LYPD6: variants seen among roughly 807,000 people sequenced by gnomAD.
The protein encoded by LYPD6 is ly6/PLAUR domain-containing protein 6.
LYPD6 carries 15 observed loss-of-function variants against 22.7 expected under a neutral mutation model. That is an observed-to-expected ratio of 0.66 (90% CI 0.44 to 1.02). LYPD6 has a LOEUF of 1.02. LYPD6 is among the 50% of genes least tolerant of loss of function. The pLI is 0.00. For synonymous variants in LYPD6, 72 were observed against 77.5 expected (o/e 0.93, Z 0.37); for missense variants, 189 against 208.4 (o/e 0.91, Z 0.57).
intron 3 of LYPD6, among the ~76,000 whole-genome samples, chr2:149,453,348 A>G (rs1325896784): frequency 1.3e-5 from 2 of 152,224 alleles, no homozygotes; most frequent in African/African-American, 4.8e-5. Flanking sequence ...TTAAAAGTCT[A>G]TGGAATTAAA....
At chr2:149,330,547 C>G (rs1251424861), upstream of LYPD6, 1 of 150,170 alleles carries the variant, frequency 6.7e-6, no homozygotes, top group African/African-American at 2.4e-5. Flanking sequence ...GAGTGGCGCG[C>G]GCGCCCCTAG....
intron 3 of LYPD6, among the ~76,000 whole-genome samples, chr2:149,459,158 G>A (rs1681032311): frequency 6.6e-6 from 1 of 152,118 alleles, no homozygotes; most frequent in African/African-American, 2.4e-5. Flanking sequence ...GAAATAGCAA[G>A]AGAAAAAGAA....
intron 1 of LYPD6, among the ~76,000 whole-genome samples, chr2:149,392,789 G>T (rs11694286): frequency 0.18 from 27,015 of 152,078 alleles, 2,433 homozygotes; most frequent in East Asian, 0.2. Context: ...ACTTTGGGAG[G>T]CTGAGGCGGC....
At chr2:149,463,901 A>G (rs1219200668) in intron 3 of LYPD6, among the ~76,000 whole-genome samples, 7 of 152,056 alleles carry the variant, frequency 4.6e-5, no homozygotes, top group Non-Finnish European at 1.0e-4. Context: ...GGATGTGACT[A>G]TAAAAGGTCA....
At chr2:149,465,500 A>C (rs1448096826) in intron 3 of LYPD6, among the ~76,000 whole-genome samples, 1 of 152,078 alleles carries the variant, frequency 6.6e-6, no homozygotes, top group African/African-American at 2.4e-5. Flanking sequence ...ATTATTCTCT[A>C]GCATCATTTT....
At chr2:149,352,402 G>A (rs778794675) in intron 1 of LYPD6, among the ~76,000 whole-genome samples, 5 of 152,186 alleles carry the variant, frequency 3.3e-5, no homozygotes, top group Non-Finnish European at 4.4e-5. Context: ...AGGACAGCAT[G>A]TTCAGGATAT....
rs1682734542 is a variant in LYPD6, at chr2:149,407,199, C to T, written c.-71-30439C>T. Among the ~76,000 whole-genome samples, 7 of 152,302 alleles carry T rather than the reference C, an allele frequency of 4.6e-5. 2 individuals are homozygous for T. The South Asian group carries it at 8.3e-4, about 18-fold the overall frequency. On this transcript the variant is annotated intron_variant, in intron 1 of 4. Coordinates refer to ENST00000334166, the MANE Select transcript of LYPD6 (RefSeq NM_194317.5). ...TTCATTTCAGCTTTGGTGAATCTGA[C>T]AATTATGTGTCTTGGAGTTGCTCTT...
chr2:149,482,631 G>T, the LYPD6 span, among the ~76,000 whole-genome samples: 1 of 152,116 alleles, frequency 6.6e-6, no homozygotes, highest in Non-Finnish European at 1.5e-5. Flanking sequence ...AAAGTTTTAT[G>T]TTAGCTAGGG....
intron 1 of LYPD6, among the ~76,000 whole-genome samples, chr2:149,436,087 T>C (rs1320483679): frequency 2.0e-5 from 3 of 152,346 alleles, no homozygotes; most frequent in East Asian, 3.9e-4. Context: ...AAGTTCATTT[T>C]TATACCTTCT....
At chr2:149,428,573 C>T (rs971469846) in intron 1 of LYPD6, among the ~76,000 whole-genome samples, 5 of 152,164 alleles carry the variant, frequency 3.3e-5, no homozygotes, top group African/African-American at 1.2e-4. Flanking sequence ...TCCATTCTCA[C>T]TTGAAAAATA....
At chr2:149,390,372 G>A (rs182818282) in intron 1 of LYPD6, among the ~76,000 whole-genome samples, 48 of 152,328 alleles carry the variant, frequency 3.2e-4, no homozygotes, top group Admixed American at 1.7e-3. Flanking sequence ...CTGTAGCTGT[G>A]AAGCTAAATG....
At chr2:149,413,014 C>T (rs1434153262) in intron 1 of LYPD6, among the ~76,000 whole-genome samples, 10 of 152,084 alleles carry the variant, frequency 6.6e-5, no homozygotes, top group Non-Finnish European at 8.8e-5. Flanking sequence ...TATTTTTTTC[C>T]GAATTTCTAT....
intron 1 of LYPD6, among the ~76,000 whole-genome samples, chr2:149,430,770 A>G (rs780684089): frequency 3.4e-4 from 51 of 152,228 alleles, no homozygotes; most frequent in Non-Finnish European, 5.6e-4. Flanking sequence ...GATAGCTTCC[A>G]AAGTGCTTAA....
In LYPD6 at chr2:149,347,270, C is replaced by G. The variant is rs958160293; in HGVS notation, c.-72+16548C>G. ...CTAATGCTATTCAAGAGAGCCCCAC[C>G]ATCATGATCTCCCAAAGGTCCCATC... On this transcript the variant is annotated intron_variant, in intron 1 of 4. Coordinates refer to ENST00000334166, the MANE Select transcript of LYPD6 (RefSeq NM_194317.5). 5.3e-5 allele frequency among the ~76,000 whole-genome samples: 8 copies of G among 152,290 alleles called. No homozygotes were observed. In the South Asian group the frequency reaches 1.5e-3, roughly 28 times the overall value.
At chr2:149,387,633 G>A (rs1573762247) in intron 1 of LYPD6, among the ~76,000 whole-genome samples, 2 of 152,190 alleles carry the variant, frequency 1.3e-5, no homozygotes, top group East Asian at 3.9e-4. Flanking sequence ...GAAAGGATTG[G>A]GGTGGAGTTC....
the LYPD6 span, among the ~76,000 whole-genome samples, chr2:149,486,011 C>T: frequency 6.6e-6 from 1 of 152,160 alleles, no homozygotes; most frequent in Non-Finnish European, 1.5e-5. Context: ...ACTCAATGCA[C>T]ATATTTCTAA....
chr2:149,363,822 C>T (rs946847901), intron 1 of LYPD6, among the ~76,000 whole-genome samples: 3 of 152,126 alleles, frequency 2.0e-5, no homozygotes, highest in Non-Finnish European at 4.4e-5. Context: ...ACCAGGATTA[C>T]CTGGCTGGTC....
Position 149,471,106 on chromosome 2 carries a change from A to G in LYPD6, c.*256A>G. 1 of 348,152 alleles carries G rather than the reference A, an allele frequency of 2.9e-6. No individual in the cohort carries two copies. The highest frequency in any genetic ancestry group is 2.0e-5 in the African/African-American group (1 of 48,928). 21.6% of individuals were successfully genotyped at this position (348,152 alleles called of 1,614,324 possible). ...TACCATAAACGTTTGTTTTCATTCC[A>G]AGAAGTAGTTCTGCATTTATCGAGA... On this transcript the variant is annotated 3_prime_UTR_variant, in exon 5 of 5. Coordinates refer to ENST00000334166, the MANE Select transcript of LYPD6 (RefSeq NM_194317.5).
intron 2 of LYPD6, among the ~76,000 whole-genome samples, chr2:149,446,304 C>T (rs535164539): frequency 6.6e-6 from 1 of 152,274 alleles, no homozygotes; most frequent in Non-Finnish European, 1.5e-5. Flanking sequence ...GTGACACAGA[C>T]ATGAAGTGAG....
Sources: allele counts gnomAD v4.1 joint callset (sites outside exome capture counted in the v4.1 genomes callset), GRCh38; gene constraint gnomAD v4.1.1; transcripts MANE v1.5; gene names NCBI Gene and HGNC (gene_info 2026-07-23, HGNC 2026-07-21).